The following BMERB1 variants were observed in gnomAD, a reference collection of about 807,000 sequenced individuals.
The protein encoded by BMERB1 is bMERB domain containing 1.
BMERB1 carries 12 observed loss-of-function variants against 23.6 expected under a neutral mutation model. The ratio of observed to expected loss-of-function variants is 0.51; its 90% CI spans 0.33 to 0.82. The LOEUF is 0.82. Among genes scored for constraint, BMERB1 ranks in the 40% least tolerant of loss-of-function variants. The pLI, the probability that BMERB1 is intolerant of heterozygous loss-of-function variation, is 0.03. For missense variants in BMERB1, 247 were observed against 255.4 expected (o/e 0.97, Z 0.22); for synonymous variants, 122 against 96.6 (o/e 1.26, Z -1.54).
At chr16:15,484,477 C>A (rs1387895256) in intron 1 of BMERB1, among the ~76,000 whole-genome samples, 1 of 152,038 alleles carries the variant, frequency 6.6e-6, no homozygotes, top group Non-Finnish European at 1.5e-5. Context: ...TCTCAACTCA[C>A]TGCAAACTTC....
rs564449656 is a variant in BMERB1, at chr16:15,524,162, T to C, written c.230+8734T>C. ...CACATTCAGGAGCTCTGCGTCACTTTAGTTGCACACAGGGTTTTAAATAGC... is the reference window on the plus strand; with the variant it reads ...CACATTCAGGAGCTCTGCGTCACTTCAGTTGCACACAGGGTTTTAAATAGC... On this transcript the variant is annotated intron_variant, in intron 2 of 5. Transcript: ENST00000300006. Among the ~76,000 whole-genome samples the C allele has an allele frequency of 4.6e-4, 70 of 152,330 alleles. 1 individual carries two copies. Among genetic ancestry groups the C allele is most frequent in the African/African-American group, 1.6e-3 (67 of 41,586 alleles).
intron 1 of BMERB1, among the ~76,000 whole-genome samples, chr16:15,486,273 G>C (rs1337749928): frequency 1.3e-5 from 2 of 151,848 alleles, no homozygotes; most frequent in African/African-American, 4.8e-5. Context: ...TTGGTTCTAG[G>C]TGACCAAAAC....
intron 1 of BMERB1, 36 bp from the exon 2 acceptor site, chr16:15,515,269 G>T: frequency 6.2e-7 from 1 of 1,612,018 alleles, no homozygotes; most frequent in Non-Finnish European, 8.5e-7. Flanking sequence ...TGCAGCCTTG[G>T]GGTCCTGATG....
intron 1 of BMERB1, among the ~76,000 whole-genome samples, chr16:15,488,669 T>TA (rs35263139): frequency 0.3 from 39,725 of 132,680 alleles, 6,436 homozygotes; most frequent in East Asian, 0.55. Flanking sequence ...CCATCTCTAC[T>TA]AAAAAAAAAA....
intron 1 of BMERB1, among the ~76,000 whole-genome samples, chr16:15,435,870 CTT>C (rs1187175877): frequency 1.3e-5 from 2 of 152,148 alleles, no homozygotes; most frequent in Non-Finnish European, 2.9e-5. Context: ...AATCCAATGT[CTT>C]AGTGGTTCAT....
In BMERB1 at chr16:15,434,626, C is replaced by G. The variant is rs779659030; in HGVS notation, c.-28C>G. On this transcript the variant is annotated 5_prime_UTR_variant, in exon 1 of 6. Transcript: ENST00000300006. ...GCAACGGGAATGGAGTAAAGGGAGA[C>G]CCGTCGACCTGGCCACGGGGATCAG... The G allele has an allele frequency of 6.3e-7, 1 of 1,596,182 alleles. No homozygotes were observed. Among genetic ancestry groups the G allele is most frequent in the South Asian group, 1.1e-5 (1 of 90,670 alleles).
At chr16:15,463,393 C>A (rs2150928670) in intron 1 of BMERB1, among the ~76,000 whole-genome samples, 2 of 152,248 alleles carry the variant, frequency 1.3e-5, no homozygotes, top group East Asian at 3.9e-4. Flanking sequence ...ATCACCTGGC[C>A]TGAAATACGC....
intron 1 of BMERB1, among the ~76,000 whole-genome samples, chr16:15,481,569 G>T (rs115466486): frequency 6.6e-6 from 1 of 151,854 alleles, no homozygotes; most frequent in Non-Finnish European, 1.5e-5. Flanking sequence ...TACTACCAGC[G>T]ATTTGTCACC....
chr16:15,466,281 A>T (rs992437909), intron 1 of BMERB1, among the ~76,000 whole-genome samples: 2 of 152,152 alleles, frequency 1.3e-5, no homozygotes, highest in African/African-American at 2.4e-5. Context: ...TGCCAATCTG[A>T]TGGATGTAAA....
At chr16:15,578,503 T>C (rs1166281724) in intron 3 of BMERB1, among the ~76,000 whole-genome samples, 1 of 152,134 alleles carries the variant, frequency 6.6e-6, no homozygotes, top group Non-Finnish European at 1.5e-5. Context: ...TATTTCCAAA[T>C]AGAAGAGATA....
chr16:15,484,351 C>T (rs190651749), intron 1 of BMERB1, among the ~76,000 whole-genome samples: 1 of 152,264 alleles, frequency 6.6e-6, no homozygotes, highest in East Asian at 1.9e-4. Context: ...CAGTGACACT[C>T]CTTTTGTGAA....
chr16:15,498,895 C>G (rs1466898117), intron 1 of BMERB1, among the ~76,000 whole-genome samples: 8 of 152,174 alleles, frequency 5.3e-5, no homozygotes, highest in African/African-American at 2.4e-5. Flanking sequence ...TAGCACAGCC[C>G]CCAGCACAAA....
chr16:15,554,120 G>A (rs1294809569), intron 2 of BMERB1, among the ~76,000 whole-genome samples: 1 of 152,030 alleles, frequency 6.6e-6, no homozygotes, highest in Non-Finnish European at 1.5e-5. Context: ...TCCAAGTTGT[G>A]CCCTCCCCTG....
In BMERB1 at chr16:15,434,628, C is replaced by A; in HGVS notation, c.-26C>A. 2.5e-6 allele frequency: 4 copies of A among 1,599,466 alleles called. No homozygotes were observed. The highest frequency in any genetic ancestry group is 3.4e-6 in the Non-Finnish European group (4 of 1,166,670). On this transcript the variant is annotated 5_prime_UTR_variant, in exon 1 of 6. Coordinates refer to ENST00000300006, the MANE Select transcript of BMERB1 (RefSeq NM_033201.3). ...AACGGGAATGGAGTAAAGGGAGACC[C>A]GTCGACCTGGCCACGGGGATCAGCG...
intron 1 of BMERB1, among the ~76,000 whole-genome samples, chr16:15,452,323 G>GGAGGGAGGGAGGGAGA (rs1555505643): frequency 2.5e-5 from 3 of 122,320 alleles, no homozygotes; most frequent in Admixed American, 1.8e-4. Context: ...GGAGAGAGAG[G>GGAGGGAGGGAGGGAGA]GAGGGAGGGA....
chr16:15,501,463 T>A (rs1391728456), intron 1 of BMERB1, among the ~76,000 whole-genome samples: 9 of 151,562 alleles, frequency 5.9e-5, no homozygotes, highest in Admixed American at 1.3e-4. Context: ...CAGTTAATTT[T>A]TTTTGTTTGT....
chr16:15,473,449 T>C (rs569543806), intron 1 of BMERB1, among the ~76,000 whole-genome samples: 34 of 151,810 alleles, frequency 2.2e-4, no homozygotes, highest in South Asian at 8.3e-4. Flanking sequence ...CCTGCCACCA[T>C]GCCCAGCTAA....
chr16:15,472,036 T>C (rs373510351), intron 1 of BMERB1, among the ~76,000 whole-genome samples: 19 of 152,368 alleles, frequency 1.2e-4, no homozygotes, highest in African/African-American at 4.3e-4. Flanking sequence ...TTTAGAAGTA[T>C]GTTGTTTAAT....
chr16:15,522,431 C>CCACA lies in BMERB1; in HGVS notation c.230+7023_230+7026dup, dbSNP rs67864782. On this transcript the variant is annotated intron_variant, in intron 2 of 5. Coordinates refer to ENST00000300006, the MANE Select transcript of BMERB1 (RefSeq NM_033201.3). Reference sequence around the variant, plus strand: ...AATAGTGCATGCATTGTGTTGAAAACCACACACACACACACACACACACGG... The same window carrying CCACA: ...AATAGTGCATGCATTGTGTTGAAAACCACACACACACACACACACACACACACGG... 4.2e-3 allele frequency among the ~76,000 whole-genome samples: 622 copies of CCACA among 149,134 alleles called. 5 individuals carry two copies. Among genetic ancestry groups the CCACA allele is most frequent in the African/African-American group, 0.014 (557 of 40,972 alleles).
Sources: gnomAD v4.1 joint callset for allele counts (sites outside exome capture counted in the v4.1 genomes callset) on GRCh38, gnomAD v4.1.1 for gene constraint, MANE v1.5 for transcripts, NCBI Gene and HGNC (gene_info 2026-07-23, HGNC 2026-07-21) for gene names.